TCF4: variants seen among roughly 807,000 people sequenced by gnomAD.
TCF4 encodes SL3-3 enhancer factor 2.
Under a neutral mutation model 82.1 loss-of-function variants are expected in TCF4, and 3 were observed. That is an observed-to-expected ratio of 0.04 (90% CI 0.02 to 0.09). The LOEUF (loss-of-function observed/expected upper bound fraction) is 0.09, where lower values mean the gene tolerates loss of function less well. TCF4 is among the 10% of genes least tolerant of loss of function. TCF4 has a pLI of 1.00. For synonymous variants in TCF4, 276 were observed against 309.6 expected (o/e 0.89, Z 1.14); for missense variants, 518 against 852.7 (o/e 0.61, Z 4.89).
chr18:55,381,233 A>AT (rs1383467952), intron 6 of TCF4, among the ~76,000 whole-genome samples: 3 of 152,230 alleles, frequency 2.0e-5, no homozygotes, highest in African/African-American at 7.2e-5. Flanking sequence ...TTCTTACTGC[A>AT]TTCACATTAA....
At chr18:55,455,199 AAAAAG>A (rs1568084590) in intron 5 of TCF4, among the ~76,000 whole-genome samples, 1 of 149,892 alleles carries the variant, frequency 6.7e-6, no homozygotes, top group African/African-American at 2.4e-5. Context: ...AAAAAAAAAA[AAAAAG>A]AAAAGAAAAA....
At chr18:55,538,803 T>TA (rs986801618) in intron 3 of TCF4, among the ~76,000 whole-genome samples, 6 of 152,148 alleles carry the variant, frequency 3.9e-5, no homozygotes, top group Non-Finnish European at 5.9e-5. Flanking sequence ...TATCTATCTT[T>TA]AAAAAAATTG....
At chr18:55,537,219 C>T (rs2097124997) in intron 3 of TCF4, among the ~76,000 whole-genome samples, 1 of 151,632 alleles carries the variant, frequency 6.6e-6, no homozygotes, top group Non-Finnish European at 1.5e-5. Flanking sequence ...CCAATGTTTG[C>T]AAAAACTAAA....
chr18:55,341,099 T>C (rs1170837137), intron 8 of TCF4, among the ~76,000 whole-genome samples: 2 of 152,240 alleles, frequency 1.3e-5, no homozygotes, highest in Non-Finnish European at 2.9e-5. Flanking sequence ...TTATTGTAGA[T>C]AGTCAAATAC....
chr18:55,346,072 T>C (rs774807096), intron 8 of TCF4, among the ~76,000 whole-genome samples: 46 of 152,166 alleles, frequency 3.0e-4, no homozygotes, highest in Non-Finnish European at 6.0e-4. Context: ...TTCAACATCA[T>C]GTTTGAAATC....
chr18:55,585,981 A>G, intron 2 of TCF4: 1 of 1,326,508 alleles, frequency 7.5e-7, no homozygotes, highest in Non-Finnish European at 9.8e-7. Context: ...ACCTTCCCTG[A>G]GTCAGAGCCT....
chr18:55,371,662 A>C (rs2089233143), intron 6 of TCF4, among the ~76,000 whole-genome samples: 1 of 151,954 alleles, frequency 6.6e-6, no homozygotes, highest in South Asian at 2.1e-4. Flanking sequence ...CAATGACAAC[A>C]CTTCCGCTGG....
At chr18:55,341,153 TAC>T (rs1442287399) in intron 8 of TCF4, among the ~76,000 whole-genome samples, 1 of 152,226 alleles carries the variant, frequency 6.6e-6, no homozygotes, top group Non-Finnish European at 1.5e-5. Flanking sequence ...CTTTTTGGTC[TAC>T]AGAGTGTCTG....
Position 55,593,833 on chromosome 18 carries a change from G to GA in TCF4, c.287-6698dup, listed in dbSNP as rs754687872. On this transcript the variant is annotated intron_variant, in intron 2 of 20. Coordinates refer to the TCF4 transcript ENST00000398339. ...CTCAGGACCTGAGGCAAAAATGTAG[G>GA]AAAAAAAAAATCAGAATGAAATAAA... Among the ~76,000 whole-genome samples the GA allele has an allele frequency of 1.4e-3, 208 of 149,776 alleles. 3 individuals are homozygous for GA. The East Asian group carries it at 0.025, about 18-fold the overall frequency.
chr18:55,238,865 G>C (rs567247588), intron 15 of TCF4, among the ~76,000 whole-genome samples: 1 of 152,254 alleles, frequency 6.6e-6, no homozygotes, highest in Non-Finnish European at 1.5e-5. Context: ...CAAGATCACT[G>C]GATGGCCCAG....
rs185510870 is a variant in TCF4, at chr18:55,543,287, G to A, written c.145+41993C>T. On this transcript the variant is annotated intron_variant, in intron 3 of 19. Transcript: ENST00000354452. ...GCCTCATTTTTCTTAGATGCAAAAT[G>A]GGGATAACATTATCTACAAGGTTGG... is the stretch of plus-strand genomic sequence containing the variant. Among the ~76,000 whole-genome samples the A allele has an allele frequency of 5.1e-4, 77 of 152,096 alleles. No homozygotes were observed. In the East Asian group the frequency reaches 0.014, roughly 29 times the overall value.
At chr18:55,517,239 G>T (rs1328701674) in intron 3 of TCF4, among the ~76,000 whole-genome samples, 1 of 152,130 alleles carries the variant, frequency 6.6e-6, no homozygotes, top group African/African-American at 2.4e-5. Flanking sequence ...CTTAAAAAGT[G>T]CTTACTCATT....
chr18:55,398,290 C>CA (rs1299864918), intron 6 of TCF4, among the ~76,000 whole-genome samples: 2 of 152,210 alleles, frequency 1.3e-5, no homozygotes, highest in African/African-American at 4.8e-5. Context: ...GCTGCGATGA[C>CA]ATATATACTG....
chr18:55,233,933 C>A (rs1227385777), intron 16 of TCF4, among the ~76,000 whole-genome samples: 1 of 151,782 alleles, frequency 6.6e-6, no homozygotes, highest in Non-Finnish European at 1.5e-5. Flanking sequence ...TGAAAAAATG[C>A]CCACATGTAT....
At chr18:55,562,472 T>C (rs568978754) in intron 3 of TCF4, among the ~76,000 whole-genome samples, 3 of 152,144 alleles carry the variant, frequency 2.0e-5, no homozygotes, top group Non-Finnish European at 4.4e-5. Context: ...AACCAAAATA[T>C]ACAGCAAAGA....
intron 8 of TCF4, among the ~76,000 whole-genome samples, chr18:55,328,749 T>C (rs1332456834): frequency 6.6e-6 from 1 of 152,230 alleles, no homozygotes; most frequent in East Asian, 1.9e-4. Context: ...TGAAGCTGAC[T>C]GGAATCTCAG....
intron 8 of TCF4, among the ~76,000 whole-genome samples, chr18:55,314,182 A>G (rs2073426349): frequency 6.6e-6 from 1 of 152,250 alleles, no homozygotes; most frequent in South Asian, 2.1e-4. Context: ...GTGAAACTAC[A>G]CTTGTTACAC....
intron 10 of TCF4, among the ~76,000 whole-genome samples, chr18:55,273,207 G>A (rs546727458): frequency 4.6e-5 from 7 of 152,214 alleles, no homozygotes; most frequent in South Asian, 2.1e-4. Flanking sequence ...CTTGACAGTC[G>A]CTACTGAAAT....
chr18:55,593,833 GA>G (rs754687872), intron 2 of TCF4, among the ~76,000 whole-genome samples: 84 of 149,790 alleles, frequency 5.6e-4, no homozygotes, highest in African/African-American at 1.8e-3. Context: ...AAAAATGTAG[GA>G]AAAAAAAAAT....
Sources: gnomAD v4.1 joint callset for allele counts (sites outside exome capture counted in the v4.1 genomes callset) on GRCh38, gnomAD v4.1.1 for gene constraint, MANE v1.5 for transcripts, NCBI Gene and HGNC (gene_info 2026-07-23, HGNC 2026-07-21) for gene names.